PSMB7: variants seen among roughly 807,000 people sequenced by gnomAD.
PSMB7 encodes proteasome subunit beta type-7.
In PSMB7, 5 loss-of-function variants were observed where a neutral mutation model predicts 28.1. The observed-to-expected ratio is 0.18, with a 90% CI of 0.09 to 0.37. The LOEUF (loss-of-function observed/expected upper bound fraction) is 0.37, where lower values mean the gene tolerates loss of function less well. PSMB7 is among the 10% of genes least tolerant of loss of function. The pLI, the probability that PSMB7 is intolerant of heterozygous loss-of-function variation, is 1.00. For synonymous variants in PSMB7, 122 were observed against 123.7 expected, an observed-to-expected ratio of 0.99 and a Z score of 0.09; for missense variants, 275 against 346.2, an observed-to-expected ratio of 0.79 and a Z score of 1.63.
chr9:124,377,775 G>A (rs541501195), intron 6 of PSMB7, among the ~76,000 whole-genome samples: 175 of 152,304 alleles, frequency 1.1e-3, no homozygotes, highest in Non-Finnish European at 2.1e-3. Context: ...GCTTGTATAC[G>A]TCACCACCTA....
chr9:124,374,158 C>A (rs1202556283), intron 6 of PSMB7, among the ~76,000 whole-genome samples: 2 of 152,186 alleles, frequency 1.3e-5, no homozygotes, highest in Non-Finnish European at 2.9e-5. Flanking sequence ...TATATGATTA[C>A]ATTTACATGA....
chr9:124,369,990 A>G (rs767944673), intron 6 of PSMB7, among the ~76,000 whole-genome samples: 2 of 152,166 alleles, frequency 1.3e-5, no homozygotes, highest in Non-Finnish European at 2.9e-5. Flanking sequence ...GAAAGGGACC[A>G]TGTCTTAAAA....
intron 5 of PSMB7, among the ~76,000 whole-genome samples, chr9:124,391,044 C>G (rs1830781907): frequency 6.6e-6 from 1 of 152,188 alleles, no homozygotes; most frequent in South Asian, 2.1e-4. Flanking sequence ...GTCCTCTGAG[C>G]GTTTCAGCAT....
intron 5 of PSMB7, among the ~76,000 whole-genome samples, chr9:124,396,004 T>C (rs1830837049): frequency 6.6e-6 from 1 of 152,312 alleles, no homozygotes; most frequent in South Asian, 2.1e-4. Context: ...CTAAAGCCTC[T>C]TATACACAGT....
chr9:124,356,999 C>A lies in PSMB7; in HGVS notation c.571-84G>T. The stretch of plus-strand genomic sequence containing the variant: ...CCGCAATGTACGTCCACTAGCAGTG[C>A]GCAAGACCTCCCGCGAGACAGGTGT... On this transcript the variant is annotated intron_variant, in intron 6 of 7. Transcript: ENST00000259457. The surrounding 1 kb of genome is among the most constrained non-coding windows in gnomAD (Gnocchi z 4.4). 1 of 1,457,766 alleles carries A rather than the reference C, an allele frequency of 6.9e-7. No homozygotes were observed. Among genetic ancestry groups the A allele is most frequent in the Non-Finnish European group, 9.4e-7 (1 of 1,059,342 alleles). 90.3% of individuals were successfully genotyped at this position (1,457,766 alleles called of 1,614,324 possible).
At position 124,356,936 on chromosome 9, in the gene PSMB7, A is replaced by G. The variant is rs1364987603; in HGVS notation, c.571-21T>C. Reference sequence around the variant, plus strand: ...TCCTCCTGAGAAACAGAACGGCGGCAATAATGTCCCCGGCCAAACTAGGGC... The same window carrying G: ...TCCTCCTGAGAAACAGAACGGCGGCGATAATGTCCCCGGCCAAACTAGGGC... On this transcript the variant is annotated intron_variant, in intron 6 of 7. Transcript: ENST00000259457. The surrounding 1 kb of genome is among the most constrained non-coding windows in gnomAD (Gnocchi z 4.4). The G allele has an allele frequency of 6.2e-7, 1 of 1,613,772 alleles. No homozygotes were observed. Among genetic ancestry groups the G allele is most frequent in the South Asian group, 1.1e-5 (1 of 91,042 alleles).
intron 4 of PSMB7, among the ~76,000 whole-genome samples, chr9:124,407,912 C>T (rs749615620): frequency 4.6e-5 from 7 of 152,080 alleles, no homozygotes; most frequent in Admixed American, 2.6e-4. Flanking sequence ...CTAGGGAGGT[C>T]ATGGTAGGAG....
At chr9:124,397,526 T>C (rs372524221) in intron 5 of PSMB7, among the ~76,000 whole-genome samples, 1 of 152,348 alleles carries the variant, frequency 6.6e-6, no homozygotes, top group African/African-American at 2.4e-5. Context: ...TTCAGGCGCC[T>C]GGCTAGTAGC....
At chr9:124,378,264 T>C (rs1431408327) in intron 6 of PSMB7, among the ~76,000 whole-genome samples, 1 of 152,228 alleles carries the variant, frequency 6.6e-6, no homozygotes, top group Non-Finnish European at 1.5e-5. Context: ...GCCAAATGCA[T>C]AACAGAATGA....
intron 6 of PSMB7, among the ~76,000 whole-genome samples, chr9:124,358,685 T>C (rs1381869839): frequency 6.6e-6 from 1 of 152,246 alleles, no homozygotes; most frequent in Non-Finnish European, 1.5e-5. Flanking sequence ...GCCTTCGGTG[T>C]GTGCGCACAT....
intron 6 of PSMB7, among the ~76,000 whole-genome samples, chr9:124,366,615 T>C (rs1336203616): frequency 1.3e-5 from 2 of 152,218 alleles, no homozygotes; most frequent in Non-Finnish European, 2.9e-5. Flanking sequence ...TCTACAGTAG[T>C]GTACAGTAAC....
chr9:124,371,530 C>G (rs542793856), intron 6 of PSMB7, among the ~76,000 whole-genome samples: 1 of 152,260 alleles, frequency 6.6e-6, no homozygotes, highest in South Asian at 2.1e-4. Flanking sequence ...GAAATAAAGT[C>G]AGTGAATAAC....
Position 124,411,660 on chromosome 9 carries a change from A to G in PSMB7, c.395+692T>C, listed in dbSNP as rs147377191. 2.0e-5 allele frequency among the ~76,000 whole-genome samples: 3 copies of G among 152,372 alleles called. No homozygotes were observed. The East Asian group carries it at 5.8e-4, about 29-fold the overall frequency. On this transcript the variant is annotated intron_variant, in intron 4 of 7. Coordinates refer to ENST00000259457, the MANE Select transcript of PSMB7 (RefSeq NM_002799.4). The stretch of plus-strand genomic sequence containing the variant: ...AGACCCATACAAACATAAAGTAATG[A>G]CGCAATTATTAAAGGAGAAAGAGAA...
chr9:124,404,156 C>T (rs1830939933), intron 5 of PSMB7, among the ~76,000 whole-genome samples: 1 of 152,088 alleles, frequency 6.6e-6, no homozygotes, highest in Non-Finnish European at 1.5e-5. Flanking sequence ...TCCTAAAGCA[C>T]TAGATTACAG....
At chr9:124,386,818 T>C (rs1830725447) in intron 5 of PSMB7, among the ~76,000 whole-genome samples, 1 of 150,560 alleles carries the variant, frequency 6.6e-6, no homozygotes, top group Non-Finnish European at 1.5e-5. Context: ...ATTCCTTTCC[T>C]TGGCAGTTGC....
intron 1 of PSMB7, 33 bp downstream of exon 1, chr9:124,415,331 C>G: frequency 1.9e-6 from 3 of 1,608,540 alleles, no homozygotes; most frequent in Non-Finnish European, 2.6e-6. Flanking sequence ...CACTCTTCTC[C>G]CTCCCTGAAC....
chr9:124,366,274 G>C (rs553267841), intron 6 of PSMB7, among the ~76,000 whole-genome samples: 2 of 152,118 alleles, frequency 1.3e-5, no homozygotes, highest in African/African-American at 4.8e-5. Context: ...TTAGCTGGGC[G>C]TGGTGATGCG....
chr9:124,387,636 A>G (rs1332504085), intron 5 of PSMB7, among the ~76,000 whole-genome samples: 1 of 152,182 alleles, frequency 6.6e-6, no homozygotes, highest in African/African-American at 2.4e-5. Flanking sequence ...TAATTTCTAA[A>G]TCACTTGCAA....
chr9:124,366,632 G>A (rs1830511245), intron 6 of PSMB7, among the ~76,000 whole-genome samples: 1 of 152,114 alleles, frequency 6.6e-6, no homozygotes, highest in East Asian at 1.9e-4. Context: ...TAACACCCTA[G>A]GCCTTCACCT....
Sources: gnomAD v4.1 joint callset for allele counts (sites outside exome capture counted in the v4.1 genomes callset) on GRCh38, gnomAD v4.1.1 for gene constraint, Gnocchi (gnomAD v3.1) non-coding constraint, MANE v1.5 for transcripts, NCBI Gene and HGNC (gene_info 2026-07-23, HGNC 2026-07-21) for gene names.